The following ARAP1 variants were observed in gnomAD, a reference collection of about 807,000 sequenced individuals.
The protein encoded by ARAP1 is arf-GAP with Rho-GAP domain, ANK repeat and PH domain-containing protein 1.
A neutral mutation model predicts 172.2 loss-of-function variants in ARAP1; 76 were observed. That is an observed-to-expected ratio of 0.44 (90% CI 0.37 to 0.53). The LOEUF (loss-of-function observed/expected upper bound fraction) is 0.53. Ranked by LOEUF, ARAP1 falls within the 20% of genes least tolerant of loss-of-function variation. The pLI, the probability that ARAP1 is intolerant of heterozygous loss-of-function variation, is 0.00. For missense variants in ARAP1, 1,686 were observed against 1,977.5 expected (o/e 0.85, Z 2.80); for synonymous variants, 804 against 803.3 (o/e 1.00, Z -0.01).
At chr11:72,704,006 C>G (rs1399434990) in intron 14 of ARAP1, 146 bp downstream of exon 14, 2 of 1,115,432 alleles carry the variant, frequency 1.8e-6, no homozygotes, top group Admixed American at 4.7e-5. Context: ...TTAGGCAGGG[C>G]CCTTCTGCCC....
chr11:72,709,572 G>A (rs371175092), intron 11 of ARAP1, among the ~76,000 whole-genome samples: 53 of 152,298 alleles, frequency 3.5e-4, no homozygotes, highest in African/African-American at 1.1e-3. Flanking sequence ...TGGCGTAGGC[G>A]CAGGGATAGT....
Position 72,688,504 on chromosome 11 carries a change from T to C in ARAP1, c.4021A>G (p.Ser1341Gly), listed in dbSNP as rs576305579. 8.1e-6 allele frequency: 13 copies of C among 1,612,686 alleles called. No individual in the cohort carries two copies. The African/African-American group carries it at 1.6e-4, about 20-fold the overall frequency. Reference sequence around the variant, plus strand: ...TTCACTCCCAGGTAGACTTTGAGACTCTTAATAGGCCACTCCTTCTCAGGC... The same window carrying C: ...TTCACTCCCAGGTAGACTTTGAGACCCTTAATAGGCCACTCCTTCTCAGGC... ...HRPEKEWPIK[S>G]LKVYLGVKKK... The change falls in exon 31 of 35, where the codon AGT becomes GGT. Residue 1341 changes from serine (S) to glycine (G), a missense_variant. By Grantham distance (56) the Ser-to-Gly change is moderately conservative. Around this residue, in one of 5 missense-constraint regions of ARAP1, gnomAD observed 379 missense variants for 500.1 expected, o/e 0.76. Transcript: ENST00000393609.
chr11:72,735,365 C>T (rs992530003), intron 1 of ARAP1, among the ~76,000 whole-genome samples: 2 of 151,504 alleles, frequency 1.3e-5, no homozygotes, highest in African/African-American at 4.8e-5. Flanking sequence ...AACCCCAGCA[C>T]TTTGGGAGGC....
chr11:72,694,961 C>G lies in ARAP1; in HGVS notation c.3694+19G>C, dbSNP rs201049179. The G allele has an allele frequency of 2.1e-5, 33 of 1,608,874 alleles. No homozygotes were observed. The East Asian group carries it at 7.1e-4, about 35-fold the overall frequency. On this transcript the variant is annotated intron_variant, in intron 27 of 34. Coordinates refer to ENST00000393609, the MANE Select transcript of ARAP1 (RefSeq NM_001040118.3). ...AAGACAAGCCATACCACACCCTGCA[C>G]AAGCCCAGCGTCACCCACCTGCCTC... is the stretch of plus-strand genomic sequence containing the variant.
intron 1 of ARAP1, among the ~76,000 whole-genome samples, chr11:72,735,766 T>C (rs1858003450): frequency 6.6e-6 from 1 of 152,202 alleles, no homozygotes; most frequent in Admixed American, 6.5e-5. Flanking sequence ...ACTGGGCCTC[T>C]CTCAAGTTCC....
rs1210912969 is a variant in ARAP1, at chr11:72,726,321, C to T, written c.509+299G>A. Among the ~76,000 whole-genome samples, 2 of 152,152 alleles carry T rather than the reference C, an allele frequency of 1.3e-5. No individual in the cohort carries two copies. Among genetic ancestry groups the T allele is most frequent in the Non-Finnish European group, 2.9e-5 (2 of 68,028 alleles). On this transcript the variant is annotated intron_variant, in intron 3 of 34. Transcript: ENST00000393609. The surrounding 1 kb of genome is among the most constrained non-coding windows in gnomAD (Gnocchi z 6.5). ...ACTCGACTTCCTCCCAAAGTCACTT[C>T]TGTCCTTGGGTCTCTGGATCAGTGA...
Position 72,741,848 on chromosome 11 carries a change from T to C in ARAP1, c.-127-9251A>G, listed in dbSNP as rs1858209573. 6.6e-6 allele frequency among the ~76,000 whole-genome samples: 1 copy of C among 152,120 alleles called. No homozygotes were observed. The highest frequency in any genetic ancestry group is 1.5e-5 in the Non-Finnish European group (1 of 67,998). On this transcript the variant is annotated intron_variant, in intron 1 of 34. Transcript: ENST00000393609. The surrounding 1 kb of genome is among the most constrained non-coding windows in gnomAD (Gnocchi z 4.5). ...GGGAGGCCGCCAACTGACTCCTCTG[T>C]GAGCTCACTGGAAACCTAAAGCTCC...
Position 72,714,194 on chromosome 11 carries a change from G to T in ARAP1, c.637C>A (p.Pro213Thr), listed in dbSNP as rs369607283. 3.3e-6 allele frequency: 5 copies of T among 1,518,598 alleles called. No homozygotes were observed. The highest frequency in any genetic ancestry group is 4.4e-6 in the Non-Finnish European group (5 of 1,139,150). The allele number at this position is 1,518,598 out of a possible 1,614,324, so 94.1% of individuals were successfully genotyped here. A position where few individuals can be genotyped will look rare whatever the true frequency, so the allele number is the denominator to read the frequency against. Residue 213 changes from proline (P) to threonine (T), a missense_variant, in exon 4 of 35, where the codon CCG (proline) becomes ACG (threonine). Pro to Thr is a conservative substitution (Grantham distance 38). This residue lies in a region of ARAP1 where 155 missense variants were observed against 129.2 expected (regional missense o/e 1.20). Transcript: ENST00000393609. ...PQPPSPPPCP[P>T]EIPPKPVRLF... ...CGTACCGGCTTTGGAGGTATCTCCG[G>T]GGGGCAGGGAGGTGGAGAGGGAGGC... is the stretch of plus-strand genomic sequence containing the variant.
At chr11:72,737,862 G>A (rs1000311847) in intron 1 of ARAP1, among the ~76,000 whole-genome samples, 3 of 152,164 alleles carry the variant, frequency 2.0e-5, no homozygotes, top group Non-Finnish European at 4.4e-5. Flanking sequence ...GAGTTCATGC[G>A]AGCTTCCCCT....
At position 72,699,167 on chromosome 11, in the gene ARAP1, C is replaced by T. The variant is rs1856355710; in HGVS notation, c.2439-60G>A. On this transcript the variant is annotated intron_variant, in intron 17 of 34. Coordinates refer to ENST00000393609, the MANE Select transcript of ARAP1 (RefSeq NM_001040118.3). This position sits in a 1 kb window ranked among gnomAD's most constrained non-coding sequence, Gnocchi z 4.2. ...CATCCAGCACGGGCCCACCCCCAAC[C>T]CGCACCATCAACCGCCATCCTCTGC... 1 of 1,568,636 alleles carries T rather than the reference C, an allele frequency of 6.4e-7. No homozygotes were observed. The highest frequency in any genetic ancestry group is 8.8e-7 in the Non-Finnish European group (1 of 1,141,590).
At chr11:72,712,611 A>G in intron 5 of ARAP1, 43 bp from the exon 6 acceptor site, 1 of 1,607,492 alleles carries the variant, frequency 6.2e-7, no homozygotes, top group Non-Finnish European at 8.5e-7. Context: ...CCTTCAAGCC[A>G]CAGATCACAC....
At chr11:72,721,700 T>A in intron 3 of ARAP1, 1 of 712,122 alleles carries the variant, frequency 1.4e-6, no homozygotes, top group Non-Finnish European at 1.7e-6. Flanking sequence ...GAAAGTGAAA[T>A]AAGACAAAAC....
chr11:72,694,774 A>G (rs139122440), intron 27 of ARAP1, among the ~76,000 whole-genome samples: 1 of 152,316 alleles, frequency 6.6e-6, no homozygotes, highest in Non-Finnish European at 1.5e-5. Context: ...TGTCACTGAC[A>G]TCTTCTATCA....
At chr11:72,734,411 T>A (rs1261628708) in intron 1 of ARAP1, among the ~76,000 whole-genome samples, 2 of 152,190 alleles carry the variant, frequency 1.3e-5, no homozygotes, top group Non-Finnish European at 2.9e-5. Flanking sequence ...CATAAGCCAC[T>A]GCACCCAGCC....
chr11:72,713,809 T>G (rs1379657450), intron 4 of ARAP1, among the ~76,000 whole-genome samples: 1 of 143,946 alleles, frequency 6.9e-6, no homozygotes, highest in Non-Finnish European at 1.5e-5. Flanking sequence ...ATTGCACCAC[T>G]GCACTCCAGC....
At chr11:72,685,897 C>CTA (rs751931154) in intron 34 of ARAP1, 145 bp downstream of exon 34, 1 of 1,490,670 alleles carries the variant, frequency 6.7e-7, no homozygotes, top group Non-Finnish European at 9.3e-7. Flanking sequence ...CCAAAGAGGC[C>CTA]TATGAGGGCC....
rs151160095 is a variant in ARAP1, at chr11:72,687,396, C to G, written c.4185+43G>C. The G allele has an allele frequency of 1.9e-4, 302 of 1,611,674 alleles. No homozygotes were observed. The African/African-American group carries it at 3.7e-3, about 20-fold the overall frequency. On this transcript the variant is annotated intron_variant, in intron 33 of 34. Transcript: ENST00000393609. ...ATGTCCCCATTCTCCATAATGGAAG[C>G]CTCCAGGGACCCACCCCACACCCCA...
chr11:72,737,489 T>C lies in ARAP1; in HGVS notation c.-127-4892A>G, dbSNP rs149000785. 9.9e-5 allele frequency among the ~76,000 whole-genome samples: 15 copies of C among 152,278 alleles called. No individual in the cohort carries two copies. In the East Asian group the frequency reaches 2.9e-3, roughly 29 times the overall value. ...TACCCACTACTGACTAGTGACCTGTTTCACCGGCCCAGCAAGAAGATGACC... is the reference window on the plus strand; with the variant it reads ...TACCCACTACTGACTAGTGACCTGTCTCACCGGCCCAGCAAGAAGATGACC... On this transcript the variant is annotated intron_variant, in intron 1 of 34. Transcript: ENST00000393609.
In ARAP1 at chr11:72,687,707, T is replaced by C; in HGVS notation, c.4102A>G (p.Lys1368Glu). 6.2e-7 allele frequency: 1 copy of C among 1,614,146 alleles called. No individual in the cohort carries two copies. The highest frequency in any genetic ancestry group is 1.3e-5 in the African/African-American group (1 of 75,028). Residue 1368 changes from lysine to glutamate, a missense_variant, in exon 32 of 35, where the codon AAA (lysine) becomes GAA (glutamate). By Grantham distance (56) the Lys-to-Glu change is moderately conservative. Coordinates refer to ENST00000393609, the MANE Select transcript of ARAP1 (RefSeq NM_001040118.3). ...WGFTVVHETE[K>E]HEKQQWYLCC... ...ACTCACCACTGCTGCTTCTCATGTT[T>C]CTCTGTCTCATGCACCACTGTGAAG...
Sources: allele counts gnomAD v4.1 joint callset (sites outside exome capture counted in the v4.1 genomes callset), GRCh38; gene constraint gnomAD v4.1.1; regional missense constraint gnomAD v4.1.1; non-coding constraint Gnocchi (gnomAD v3.1); transcripts MANE v1.5; gene names NCBI Gene and HGNC (gene_info 2026-07-23, HGNC 2026-07-21).